Variants in LRMDA observed in about 807,000 individuals in gnomAD.
LRMDA encodes the protein leucine rich melanocyte differentiation associated, also known as leucine-rich melanocyte differentiation-associated protein.
Under a neutral mutation model 29.8 loss-of-function variants are expected in LRMDA, and 18 were observed. The ratio of observed to expected loss-of-function variants is 0.60; its 90% CI spans 0.42 to 0.90. The LOEUF (loss-of-function observed/expected upper bound fraction) is 0.90, where lower values mean the gene tolerates loss of function less well. Among genes scored for constraint, LRMDA ranks in the 40% least tolerant of loss-of-function variants. The pLI, the probability that LRMDA is intolerant of heterozygous loss-of-function variation, is 0.00. For missense variants in LRMDA, 273 were observed against 273.9 expected (o/e 1.00, Z 0.02); for synonymous variants, 125 against 109.4 (o/e 1.14, Z -0.89).
At chr10:76,449,670 A>G (rs1373360388) in intron 6 of LRMDA, among the ~76,000 whole-genome samples, 1 of 151,714 alleles carries the variant, frequency 6.6e-6, no homozygotes, top group African/African-American at 2.4e-5. Context: ...GTCTGTTTTC[A>G]TCTTATGTAG....
intron 3 of LRMDA, among the ~76,000 whole-genome samples, chr10:76,042,201 A>G (rs950501483): frequency 3.3e-5 from 5 of 152,202 alleles, no homozygotes; most frequent in African/African-American, 7.2e-5. Context: ...GCATGCATGC[A>G]GGGAGGAGGT....
At chr10:76,533,440 C>A (rs962251463) in intron 6 of LRMDA, among the ~76,000 whole-genome samples, 1 of 152,124 alleles carries the variant, frequency 6.6e-6, no homozygotes. Flanking sequence ...TAAGACCTGA[C>A]TTTATGTTCA....
chr10:75,783,790 T>C (rs997645649), intron 2 of LRMDA, among the ~76,000 whole-genome samples: 8 of 152,226 alleles, frequency 5.3e-5, no homozygotes, highest in Non-Finnish European at 8.8e-5. Flanking sequence ...GAGCAAGTGC[T>C]CAATAAATGT....
intron 2 of LRMDA, among the ~76,000 whole-genome samples, chr10:75,655,469 A>T (rs573483809): frequency 1.3e-4 from 20 of 152,356 alleles, no homozygotes; most frequent in African/African-American, 4.8e-4. Context: ...TGTGGAGACC[A>T]TCAGGAGACC....
intron 2 of LRMDA, among the ~76,000 whole-genome samples, chr10:75,568,737 C>T (rs1454237749): frequency 6.6e-6 from 1 of 152,212 alleles, no homozygotes; most frequent in Admixed American, 6.5e-5. Flanking sequence ...TTTTGGTATT[C>T]TTAAAGCTTT....
rs71024579 is a variant in LRMDA, at chr10:75,915,120, C to CTTTTTTT, written c.132-120865_132-120859dup. Among the ~76,000 whole-genome samples, 85 of 75,242 alleles carry CTTTTTTT rather than the reference C, an allele frequency of 1.1e-3. 9 individuals are homozygous for CTTTTTTT. The highest frequency in any genetic ancestry group is 0.01 in the East Asian group (24 of 2,352). 49.4% of individuals were successfully genotyped at this position (75,242 alleles called of 152,430 possible). A position where few individuals can be genotyped will look rare whatever the true frequency, so the allele number is the denominator to read the frequency against. On this transcript the variant is annotated intron_variant, in intron 2 of 6. Coordinates refer to ENST00000611255, the MANE Select transcript of LRMDA (RefSeq NM_001305581.2). Reference sequence around the variant, plus strand: ...CTTAGAAATTCTCATGTCTAACCTTCTTTTTTTTTTTTTTTTTTTTTTTTT... The same window carrying CTTTTTTT: ...CTTAGAAATTCTCATGTCTAACCTTCTTTTTTTTTTTTTTTTTTTTTTTTTTTTTTTT...
chr10:75,971,430 A>G (rs1846968992), intron 2 of LRMDA, among the ~76,000 whole-genome samples: 1 of 152,186 alleles, frequency 6.6e-6, no homozygotes, highest in Non-Finnish European at 1.5e-5. Context: ...GTTTCCCACA[A>G]TCTGATACTA....
intron 6 of LRMDA, among the ~76,000 whole-genome samples, chr10:76,354,932 G>A (rs566593744): frequency 2.5e-4 from 38 of 152,150 alleles, no homozygotes; most frequent in African/African-American, 5.5e-4. Flanking sequence ...GTTTGTGCCC[G>A]TAACCAGCCT....
intron 6 of LRMDA, among the ~76,000 whole-genome samples, chr10:76,524,603 T>C (rs1244474824): frequency 1.3e-5 from 2 of 152,250 alleles, no homozygotes; most frequent in African/African-American, 2.4e-5. Context: ...GCGTGATGGC[T>C]CTCAGCTCTT....
chr10:75,958,059 A>C (rs1317643152), intron 2 of LRMDA, among the ~76,000 whole-genome samples: 1 of 152,204 alleles, frequency 6.6e-6, no homozygotes, highest in Non-Finnish European at 1.5e-5. Flanking sequence ...TTATAAACTG[A>C]AAACTGTAGC....
At chr10:76,308,075 GAC>G (rs1247225654) in intron 5 of LRMDA, among the ~76,000 whole-genome samples, 2 of 152,108 alleles carry the variant, frequency 1.3e-5, no homozygotes, top group Admixed American at 6.5e-5. Context: ...TTCATTTTCT[GAC>G]AGTCTCTCTG....
intron 2 of LRMDA, among the ~76,000 whole-genome samples, chr10:75,689,493 C>T (rs1842119326): frequency 6.6e-6 from 1 of 152,164 alleles, no homozygotes; most frequent in Non-Finnish European, 1.5e-5. Flanking sequence ...CCCTGAAATA[C>T]TTGTCCCACA....
At chr10:76,488,273 A>G (rs1038637630) in intron 6 of LRMDA, among the ~76,000 whole-genome samples, 3 of 151,938 alleles carry the variant, frequency 2.0e-5, no homozygotes, top group East Asian at 3.9e-4. Flanking sequence ...TTGGACTTAT[A>G]TATATGAGAA....
chr10:76,455,300 G>T (rs1393669635), intron 6 of LRMDA, among the ~76,000 whole-genome samples: 1 of 152,168 alleles, frequency 6.6e-6, no homozygotes, highest in Non-Finnish European at 1.5e-5. Context: ...AAGATATATT[G>T]ATGGTATTGA....
At chr10:76,465,082 A>G (rs571254002) in intron 6 of LRMDA, among the ~76,000 whole-genome samples, 2 of 152,262 alleles carry the variant, frequency 1.3e-5, no homozygotes, top group East Asian at 1.9e-4. Context: ...AGGTAAGTCT[A>G]TATTTTGGCA....
intron 2 of LRMDA, among the ~76,000 whole-genome samples, chr10:75,444,895 C>T (rs901177623): frequency 2.0e-5 from 3 of 152,130 alleles, no homozygotes; most frequent in African/African-American, 7.2e-5. Flanking sequence ...GTGTTGGAAG[C>T]ATTTCCCCAT....
chr10:75,798,414 A>T (rs769628675), intron 2 of LRMDA, among the ~76,000 whole-genome samples: 7 of 152,066 alleles, frequency 4.6e-5, no homozygotes, highest in Non-Finnish European at 8.8e-5. Flanking sequence ...TTTCTCTCCT[A>T]AGTTTATCAA....
At chr10:76,518,299 CT>C (rs1843083354) in intron 6 of LRMDA, among the ~76,000 whole-genome samples, 1 of 151,720 alleles carries the variant, frequency 6.6e-6, no homozygotes, top group Non-Finnish European at 1.5e-5. Flanking sequence ...ATCTATCTAT[CT>C]ATCTATCTAT....
rs374515861 is a variant in LRMDA at position 76,138,199 on chromosome 10, CT to C, written c.516+79421del. On this transcript the variant is annotated intron_variant, in intron 5 of 6. Coordinates refer to ENST00000611255, the MANE Select transcript of LRMDA (RefSeq NM_001305581.2). ...GGCATTTGTTTTCATTCTGCAGCAACTTTTTCCCCCCAGTGTACCCCTCAAT... is the reference window on the plus strand; with the variant it reads ...GGCATTTGTTTTCATTCTGCAGCAACTTTTCCCCCCAGTGTACCCCTCAAT... 1.4e-4 allele frequency among the ~76,000 whole-genome samples: 22 copies of C among 152,200 alleles called. No individual in the cohort carries two copies. The South Asian group carries it at 4.4e-3, about 30-fold the overall frequency.
Sources: gnomAD v4.1 joint callset for allele counts (sites outside exome capture counted in the v4.1 genomes callset) on GRCh38, gnomAD v4.1.1 for gene constraint, MANE v1.5 for transcripts, NCBI Gene and HGNC (gene_info 2026-07-23, HGNC 2026-07-21) for gene names.